Variants in EYA1 observed in about 807,000 individuals in gnomAD.
The protein encoded by EYA1 is EYA transcriptional coactivator and phosphatase 1.
A neutral mutation model predicts 82.0 loss-of-function variants in EYA1; 16 were observed. The observed-to-expected ratio is 0.20, with a 90% CI of 0.13 to 0.30. The LOEUF is 0.30. Ranked by LOEUF, EYA1 falls within the 10% of genes least tolerant of loss-of-function variation. The pLI is 1.00. For missense variants in EYA1, 633 were observed against 730.7 expected (o/e 0.87, Z 1.54); for synonymous variants, 261 against 264.4 (o/e 0.99, Z 0.12).
rs181003138 is a variant in EYA1, at chr8:71,330,601, G to A, written c.202+3496C>T. Among the ~76,000 whole-genome samples, 565 of 152,144 alleles carry A rather than the reference G, an allele frequency of 3.7e-3. 3 individuals carry two copies. The highest frequency in any genetic ancestry group is 7.8e-3 in the Admixed American group (119 of 15,278). On this transcript the variant is annotated intron_variant, in intron 4 of 17. Coordinates refer to ENST00000340726, the MANE Select transcript of EYA1 (RefSeq NM_000503.6). ...CATTCATTCATTCAATAAACTTTAGGAGCACATACTATCTGCTAAGAGCTA... is the reference window on the plus strand; with the variant it reads ...CATTCATTCATTCAATAAACTTTAGAAGCACATACTATCTGCTAAGAGCTA...
At chr8:71,233,342 A>C (rs1425603641) in intron 12 of EYA1, among the ~76,000 whole-genome samples, 1 of 152,134 alleles carries the variant, frequency 6.6e-6, no homozygotes, top group Non-Finnish European at 1.5e-5. Flanking sequence ...AGGCGGGCAG[A>C]TCACGAGGTC....
intron 7 of EYA1, among the ~76,000 whole-genome samples, chr8:71,305,449 T>C (rs1328644995): frequency 7.1e-6 from 1 of 141,252 alleles, no homozygotes; most frequent in Non-Finnish European, 1.6e-5. Flanking sequence ...AGGAAAAGCT[T>C]ACCTAGTTAT....
intron 4 of EYA1, among the ~76,000 whole-genome samples, chr8:71,332,581 C>A (rs556238465): frequency 6.6e-6 from 1 of 152,122 alleles, no homozygotes; most frequent in African/African-American, 2.4e-5. Flanking sequence ...CAAATTAATA[C>A]AAAAAAATCT....
intron 11 of EYA1, among the ~76,000 whole-genome samples, chr8:71,265,223 A>C (rs541642907): frequency 1.6e-4 from 25 of 151,990 alleles, no homozygotes; most frequent in Admixed American, 3.9e-4. Flanking sequence ...TATTTGTTGA[A>C]ATTTTTTTTT....
At chr8:71,289,977 T>G (rs1359176187) in intron 9 of EYA1, among the ~76,000 whole-genome samples, 2 of 152,200 alleles carry the variant, frequency 1.3e-5, no homozygotes, top group Admixed American at 1.3e-4. Context: ...GTTAAGTATA[T>G]GTTTATATAA....
intron 6 of EYA1, 35 bp downstream of exon 6, chr8:71,321,699 C>A (rs748402921): frequency 1.9e-6 from 3 of 1,610,450 alleles, no homozygotes; most frequent in Admixed American, 1.7e-5. Flanking sequence ...CATGCCCATG[C>A]GATAACGCCA....
At chr8:71,358,042 ACT>A (rs964061781) in intron 1 of EYA1, among the ~76,000 whole-genome samples, 8 of 151,610 alleles carry the variant, frequency 5.3e-5, no homozygotes, top group African/African-American at 1.9e-4. Flanking sequence ...AGTTTTAAGA[ACT>A]CTCCTGGCTT....
chr8:71,227,095 A>T (rs1810652772), intron 12 of EYA1, among the ~76,000 whole-genome samples: 1 of 152,206 alleles, frequency 6.6e-6, no homozygotes, highest in Non-Finnish European at 1.5e-5. Flanking sequence ...GTATGAAGAT[A>T]AAAGACTAAA....
At chr8:71,445,473 A>G (rs1806804477) in intron 2 of EYA1, among the ~76,000 whole-genome samples, 1 of 152,188 alleles carries the variant, frequency 6.6e-6, no homozygotes, top group South Asian at 2.1e-4. Context: ...ACAAAATAAC[A>G]TTTTTGTCTG....
At chr8:71,536,113 G>A (rs530133536) in intron 1 of EYA1, among the ~76,000 whole-genome samples, 3 of 152,184 alleles carry the variant, frequency 2.0e-5, no homozygotes, top group African/African-American at 7.2e-5. Flanking sequence ...GGGAGGCAGG[G>A]GGAGCAGCTA....
At chr8:71,493,115 T>C (rs1811143511) in intron 2 of EYA1, among the ~76,000 whole-genome samples, 1 of 152,250 alleles carries the variant, frequency 6.6e-6, no homozygotes, top group Non-Finnish European at 1.5e-5. Context: ...TATGGCTGTA[T>C]AGTATTCCAT....
chr8:71,369,062 A>T (rs2129087567), intron 2 of EYA1, among the ~76,000 whole-genome samples: 1 of 148,360 alleles, frequency 6.7e-6, no homozygotes, highest in Non-Finnish European at 1.5e-5. Context: ...AAATAGCTGG[A>T]CGTGGTGGCA....
At position 71,216,749 on chromosome 8, in the gene EYA1, C is replaced by T. The variant is rs138550731; in HGVS notation, c.1303G>A (p.Ala435Thr). The change falls in exon 14 of 18, where the codon GCC (alanine) becomes ACC (threonine). Residue 435 changes from alanine (A) to threonine (T), a missense_variant. By Grantham distance (58) the Ala-to-Thr change is moderately conservative. Coordinates refer to ENST00000340726, the MANE Select transcript of EYA1 (RefSeq NM_000503.6). ...TCTTTTACCCGTCTGTAGCGGAAGG[C>T]CAACTTTCTCATCCAGTCCACACCG... Reference protein sequence around the residue: ...RGGVDWMRKLAFRYRRVKEIY... With the variant: ...RGGVDWMRKLTFRYRRVKEIY... The T allele has an allele frequency of 1.9e-6, 3 of 1,613,004 alleles. No individual in the cohort carries two copies. The East Asian group carries it at 6.7e-5, about 36-fold the overall frequency.
intron 2 of EYA1, among the ~76,000 whole-genome samples, chr8:71,420,276 G>A (rs1216731966): frequency 6.6e-6 from 1 of 152,088 alleles, no homozygotes; most frequent in Non-Finnish European, 1.5e-5. Context: ...AATTCACATG[G>A]GTGCATGCAT....
At chr8:71,464,151 C>T (rs538405329) in intron 2 of EYA1, among the ~76,000 whole-genome samples, 3 of 152,150 alleles carry the variant, frequency 2.0e-5, no homozygotes, top group Non-Finnish European at 2.9e-5. Flanking sequence ...CTGCTCTCCC[C>T]GAGGACTGCA....
At chr8:71,201,227 T>TA (rs112569504) in intron 17 of EYA1, among the ~76,000 whole-genome samples, 13,359 of 139,178 alleles carry the variant, frequency 0.096, 1,911 homozygotes, top group African/African-American at 0.32. Flanking sequence ...TTGTACTAGT[T>TA]AAAAAAAAAA....
intron 2 of EYA1, among the ~76,000 whole-genome samples, chr8:71,380,029 G>A (rs1468514201): frequency 1.3e-5 from 2 of 152,134 alleles, no homozygotes; most frequent in Admixed American, 6.5e-5. Context: ...GGCACCTGCC[G>A]CTGAAGGTTC....
rs559826822 is a variant in EYA1 at position 71,316,814 on chromosome 8, A to T, written c.556+738T>A. Among the ~76,000 whole-genome samples the T allele has an allele frequency of 5.3e-5, 8 of 152,340 alleles. No individual in the cohort carries two copies. In the South Asian group the frequency reaches 1.7e-3, roughly 32 times the overall value. On this transcript the variant is annotated intron_variant, in intron 7 of 17. Transcript: ENST00000340726. ...GTAGTAAAGACAAGATATTAGGAAA[A>T]TGTTTAAATTATGTGAGAACTATTC...
intron 7 of EYA1, among the ~76,000 whole-genome samples, chr8:71,299,992 T>C (rs1373624578): frequency 1.3e-5 from 2 of 152,188 alleles, no homozygotes; most frequent in African/African-American, 2.4e-5. Context: ...TATTAGACAA[T>C]GAACTTTTCA....
Sources: gnomAD v4.1 joint callset for allele counts (sites outside exome capture counted in the v4.1 genomes callset) on GRCh38, gnomAD v4.1.1 for gene constraint, MANE v1.5 for transcripts, NCBI Gene and HGNC (gene_info 2026-07-23, HGNC 2026-07-21) for gene names.